The following ODF2 variants were observed in gnomAD, a reference collection of about 807,000 sequenced individuals.
ODF2 encodes the protein outer dense fiber protein 2.
In ODF2, 47 loss-of-function variants were observed where a neutral mutation model predicts 110.2. The ratio of observed to expected loss-of-function variants is 0.43; its 90% CI spans 0.34 to 0.54. ODF2 has a LOEUF of 0.54. Ranked by LOEUF, ODF2 falls within the 20% of genes least tolerant of loss-of-function variation. The pLI, the probability that ODF2 is intolerant of heterozygous loss-of-function variation, is 0.03. For missense variants in ODF2, 812 were observed against 1,054.5 expected, an observed-to-expected ratio of 0.77 and a Z score of 3.19; for synonymous variants, 352 against 397.7, an observed-to-expected ratio of 0.89 and a Z score of 1.37.
At chr9:128,478,104 C>T (rs1030844043) in intron 8 of ODF2, among the ~76,000 whole-genome samples, 1 of 152,192 alleles carries the variant, frequency 6.6e-6, no homozygotes, top group Non-Finnish European at 1.5e-5. Context: ...TCAAGCGATT[C>T]TCCTGCCTCA....
At chr9:128,456,296 G>C in intron 1 of ODF2, 41 bp downstream of exon 1, 1 of 1,511,456 alleles carries the variant, frequency 6.6e-7, no homozygotes, top group Non-Finnish European at 8.8e-7. Context: ...GCCCTCCGGG[G>C]CACCGCGGGC....
chr9:128,471,381 T>C, exon 6 of ODF2: 1 of 1,613,026 alleles, frequency 6.2e-7, no homozygotes, highest in Non-Finnish European at 8.5e-7. Flanking sequence ...CTGGAGGAGG[T>C]GGCCCACGAA....
chr9:128,463,840 T>TTTTA (rs1042131683), intron 4 of ODF2, among the ~76,000 whole-genome samples: 1 of 152,040 alleles, frequency 6.6e-6, no homozygotes, highest in Non-Finnish European at 1.5e-5. Flanking sequence ...AATGCTTTAT[T>TTTTA]TTTATTTATT....
intron 9 of ODF2, among the ~76,000 whole-genome samples, chr9:128,481,877 T>A (rs550087364): frequency 6.6e-6 from 1 of 152,280 alleles, no homozygotes; most frequent in South Asian, 2.1e-4. Context: ...GACACCAACA[T>A]AGAGAGGGTA....
intron 14 of ODF2, 135 bp downstream of exon 14, chr9:128,488,160 G>A: frequency 3.9e-6 from 4 of 1,032,980 alleles, no homozygotes; most frequent in Non-Finnish European, 5.6e-6. Flanking sequence ...AGGCATGGTG[G>A]CTTAGGCCTG....
upstream of ODF2, chr9:128,456,011 G>C: frequency 7.0e-7 from 1 of 1,423,590 alleles, no homozygotes; most frequent in South Asian, 1.5e-5. Flanking sequence ...CCTTCTGGCG[G>C]GGCGGGGCAT....
At chr9:128,469,837 A>G (rs1839257094) in intron 5 of ODF2, among the ~76,000 whole-genome samples, 3 of 149,560 alleles carry the variant, frequency 2.0e-5, no homozygotes, top group Non-Finnish European at 4.5e-5. Context: ...AACAAAAATT[A>G]GCCATGCGTG....
At chr9:128,479,396 G>C (rs995808500) in intron 8 of ODF2, among the ~76,000 whole-genome samples, 13 of 152,188 alleles carry the variant, frequency 8.5e-5, no homozygotes, top group Non-Finnish European at 1.5e-5. Flanking sequence ...TCATATGAGA[G>C]GATGCTAATC....
intron 1 of ODF2, chr9:128,456,665 CCT>C: frequency 6.8e-7 from 1 of 1,459,902 alleles, no homozygotes; most frequent in Non-Finnish European, 9.0e-7. Flanking sequence ...CTCGTCCTCT[CCT>C]CGGGCCTCCA....
At position 128,494,765 on chromosome 9, in the gene ODF2, T is replaced by C. The variant is rs1845299879; in HGVS notation, c.1911+97T>C. ...CCCCCCAAGGGAGGACTACTTCCTTTTTCTTGGCTGCTGCTTTTTAAAAGG... is the reference window on the plus strand; with the variant it reads ...CCCCCCAAGGGAGGACTACTTCCTTCTTCTTGGCTGCTGCTTTTTAAAAGG... On this transcript the variant is annotated intron_variant, in intron 17 of 20. Transcript: ENST00000604420. The surrounding 1 kb of genome is among the most constrained non-coding windows in gnomAD (Gnocchi z 4.6). 6.2e-7 allele frequency: 1 copy of C among 1,607,970 alleles called. No homozygotes were observed. Among genetic ancestry groups the C allele is most frequent in the Non-Finnish European group, 8.5e-7 (1 of 1,177,392 alleles).
chr9:128,492,521 C>A, exon 15 of ODF2: 2 of 1,612,838 alleles, frequency 1.2e-6, no homozygotes, highest in Non-Finnish European at 1.7e-6. Context: ...GGATGATTGA[C>A]AACTATAAGA....
rs1412042677 is a variant in ODF2 at position 128,485,566 on chromosome 9, G to A, written c.1400+92G>A. ...CCTAGTGGCTCAGGGAAGGCCACGT[G>A]GCTGCTGTTTGTACTCTCCGGGTTG... is the stretch of plus-strand genomic sequence containing the variant. On this transcript the variant is annotated intron_variant, in intron 13 of 20. Transcript: ENST00000604420. The surrounding 1 kb of genome is among the most constrained non-coding windows in gnomAD (Gnocchi z 5.0). 1 of 699,852 alleles carries A rather than the reference G, an allele frequency of 1.4e-6. No individual in the cohort carries two copies. Among genetic ancestry groups the A allele is most frequent in the Non-Finnish European group, 2.6e-6 (1 of 388,254 alleles). The allele number at this position is 699,852 out of a possible 1,614,324, so 43.4% of individuals were successfully genotyped here. A position where few individuals can be genotyped will look rare whatever the true frequency, so the allele number is the denominator to read the frequency against.
intron 14 of ODF2, among the ~76,000 whole-genome samples, chr9:128,490,553 G>A (rs1417865999): frequency 6.6e-6 from 1 of 152,050 alleles, no homozygotes; most frequent in East Asian, 1.9e-4. Flanking sequence ...CCAAAGTGTT[G>A]GGTTTATAGG....
In ODF2 at chr9:128,473,876, C is replaced by T. The variant is rs1343433687; in HGVS notation, c.843+135C>T. 3 of 772,764 alleles carry T rather than the reference C, an allele frequency of 3.9e-6. No individual in the cohort carries two copies. The Admixed American group carries it at 8.5e-5, about 22-fold the overall frequency. The allele number at this position is 772,764 out of a possible 1,614,324, so 47.9% of individuals were successfully genotyped here. ...CTTAGAGAGATGTAATGAAATTGTT[C>T]ACATGAAGTGCTCAGCACCCAGTAG... On this transcript the variant is annotated intron_variant, in intron 8 of 20. Transcript: ENST00000604420.
Position 128,484,035 on chromosome 9 carries a change from G to A in ODF2, c.1085G>A (p.Arg362His), listed in dbSNP as rs145091091. The change falls in exon 11 of 21, where the codon CGC becomes CAC. Residue 362 changes from arginine to histidine, a missense_variant. Physicochemically the swap from Arg to His is conservative, Grantham distance 29. This residue lies in a region of ODF2 where 73 missense variants were observed against 71.0 expected (regional missense o/e 1.03). Transcript: ENST00000604420. Reference sequence around the variant, plus strand: ...CGGTCCAAAGAGGCTGAGAACAGTCGCCTGTGCATGCAGATTAAGGTACCT... The same window carrying A: ...CGGTCCAAAGAGGCTGAGAACAGTCACCTGTGCATGCAGATTAAGGTACCT... 15 of 1,611,436 alleles carry A rather than the reference G, an allele frequency of 9.3e-6. No homozygotes were observed. The African/African-American group carries it at 1.1e-4, about 11-fold the overall frequency.
exon 20 of ODF2, chr9:128,499,101 G>C (rs752162933): frequency 1.1e-5 from 18 of 1,614,122 alleles, no homozygotes; most frequent in Non-Finnish European, 7.6e-6. Flanking sequence ...ACGGAATTGA[G>C]CCAGCTGCGG....
At chr9:128,481,006 A>C (rs1436692439) in intron 8 of ODF2, among the ~76,000 whole-genome samples, 2 of 152,178 alleles carry the variant, frequency 1.3e-5, no homozygotes, top group African/African-American at 4.8e-5. Context: ...TTTTCAATAC[A>C]GAGAAATACA....
At chr9:128,486,318 A>C (rs899766895) in intron 13 of ODF2, among the ~76,000 whole-genome samples, 1 of 152,186 alleles carries the variant, frequency 6.6e-6, no homozygotes. Flanking sequence ...GTCCTTAGGG[A>C]GTTCTCTGTC....
At chr9:128,488,078 T>C (rs1201120574) in intron 14 of ODF2, 53 bp downstream of exon 14, 3 of 1,605,996 alleles carry the variant, frequency 1.9e-6, no homozygotes, top group Non-Finnish European at 2.6e-6. Context: ...AGCGAGCTGA[T>C]GAGGGGTCTT....
Sources: allele counts gnomAD v4.1 joint callset (sites outside exome capture counted in the v4.1 genomes callset), GRCh38; gene constraint gnomAD v4.1.1; regional missense constraint gnomAD v4.1.1; non-coding constraint Gnocchi (gnomAD v3.1); transcripts MANE v1.5; gene names NCBI Gene and HGNC (gene_info 2026-07-23, HGNC 2026-07-21).